The following FAM107B variants were observed in gnomAD, a reference collection of about 807,000 sequenced individuals.
FAM107B encodes family with sequence similarity 107 member B.
Under a neutral mutation model 31.5 loss-of-function variants are expected in FAM107B, and 21 were observed. The ratio of observed to expected loss-of-function variants is 0.67; its 90% confidence interval spans 0.47 to 0.96. FAM107B has a LOEUF of 0.96. Ranked by LOEUF, FAM107B falls within the 40% of genes least tolerant of loss-of-function variation. The pLI, the probability that FAM107B is intolerant of heterozygous loss-of-function variation, is 0.00. For missense variants in FAM107B, 452 were observed against 377.1 expected (o/e 1.20, Z -1.64); for synonymous variants, 157 against 141.5 (o/e 1.11, Z -0.78).
At chr10:14,772,125 C>T (rs535635546) in intron 1 of FAM107B, among the ~76,000 whole-genome samples, 7 of 152,036 alleles carry the variant, frequency 4.6e-5, no homozygotes, top group South Asian at 4.2e-4. Context: ...GGAGGCTGGG[C>T]GGGGGAGTCA....
At chr10:14,598,690 A>C (rs142881124) in intron 2 of FAM107B, among the ~76,000 whole-genome samples, 231 of 152,354 alleles carry the variant, frequency 1.5e-3, no homozygotes, top group African/African-American at 5.5e-3. Context: ...AAGAAGGTAG[A>C]TCTCATGTTA....
At chr10:14,658,582 A>G (rs12766190) in intron 2 of FAM107B, among the ~76,000 whole-genome samples, 35,744 of 152,144 alleles carry the variant, frequency 0.23, 4,338 homozygotes, top group South Asian at 0.33. Context: ...TTCAGTTCCT[A>G]CATAGTCCAA....
chr10:14,765,463 T>C (rs1833143602), intron 1 of FAM107B, among the ~76,000 whole-genome samples: 1 of 152,200 alleles, frequency 6.6e-6, no homozygotes, highest in African/African-American at 2.4e-5. Flanking sequence ...AATATCCAGA[T>C]TGGAAAATTC....
chr10:14,728,067 A>G (rs1394268172), intron 1 of FAM107B, among the ~76,000 whole-genome samples: 2 of 152,140 alleles, frequency 1.3e-5, no homozygotes. Flanking sequence ...TTTATGGAGT[A>G]AGGAAGCCTC....
intron 2 of FAM107B, among the ~76,000 whole-genome samples, chr10:14,640,478 T>A (rs1284093241): frequency 6.6e-6 from 1 of 152,162 alleles, no homozygotes; most frequent in Admixed American, 6.5e-5. Context: ...CTGCTTGAGT[T>A]CTCTTGGAAA....
chr10:14,757,484 C>G (rs1462600898), intron 1 of FAM107B, among the ~76,000 whole-genome samples: 1 of 152,196 alleles, frequency 6.6e-6, no homozygotes, highest in African/African-American at 2.4e-5. Context: ...CTATCTCTCT[C>G]AGTTCTGTTT....
chr10:14,726,554 G>T (rs1432842101), intron 1 of FAM107B, among the ~76,000 whole-genome samples: 1 of 152,170 alleles, frequency 6.6e-6, no homozygotes, highest in East Asian at 1.9e-4. Context: ...AATATTCCAA[G>T]ATAAAGAACC....
intron 2 of FAM107B, among the ~76,000 whole-genome samples, chr10:14,627,028 C>T (rs2131410798): frequency 6.6e-6 from 1 of 152,222 alleles, no homozygotes. Flanking sequence ...TCTTACCTCT[C>T]CGGATGCTCT....
chr10:14,595,351 T>A (rs756331016), intron 2 of FAM107B, among the ~76,000 whole-genome samples: 1 of 151,362 alleles, frequency 6.6e-6, no homozygotes, highest in South Asian at 2.1e-4. Flanking sequence ...GCAAAAATGA[T>A]TGAAAACGCA....
intron 2 of FAM107B, among the ~76,000 whole-genome samples, chr10:14,548,843 C>CACACGCACAA (rs1489858688): frequency 6.6e-6 from 1 of 151,804 alleles, no homozygotes; most frequent in East Asian, 1.9e-4. Flanking sequence ...CACGCACACA[C>CACACGCACAA]ACACCGACTG....
intron 2 of FAM107B, among the ~76,000 whole-genome samples, chr10:14,593,214 TACTTTGA>T (rs1852076225): frequency 6.6e-6 from 1 of 152,180 alleles, no homozygotes; most frequent in African/African-American, 2.4e-5. Context: ...TTTTGTTTGC[TACTTTGA>T]ACTAGTAAAC....
intron 1 of FAM107B, among the ~76,000 whole-genome samples, chr10:14,767,081 GA>G (rs1833192975): frequency 9.7e-6 from 1 of 102,634 alleles, no homozygotes; most frequent in African/African-American, 4.1e-5. Context: ...GAGAGAGAGA[GA>G]GAGAGAGAGA....
At chr10:14,564,070 TCA>T (rs1850461085) in intron 2 of FAM107B, among the ~76,000 whole-genome samples, 1 of 152,200 alleles carries the variant, frequency 6.6e-6, no homozygotes. Flanking sequence ...TTAAAATTTC[TCA>T]GTTTCAATTT....
chr10:14,762,108 C>T (rs947418904), intron 1 of FAM107B, among the ~76,000 whole-genome samples: 6 of 152,034 alleles, frequency 3.9e-5, no homozygotes, highest in African/African-American at 1.5e-4. Context: ...CATGGAAGAC[C>T]CAGGTTCTTT....
rs150701172 is a variant in FAM107B at position 14,658,105 on chromosome 10, G to A, written c.469+9529C>T. On this transcript the variant is annotated intron_variant, in intron 2 of 4. Transcript: ENST00000181796. ...GGGATTACAGGCGTAATTAGCACCTGGCTAACCTTCATTTCTTGGGAAGAA... is the reference window on the plus strand; with the variant it reads ...GGGATTACAGGCGTAATTAGCACCTAGCTAACCTTCATTTCTTGGGAAGAA... 1.2e-3 allele frequency among the ~76,000 whole-genome samples: 186 copies of A among 152,186 alleles called. 1 individual carries two copies. The highest frequency in any genetic ancestry group is 2.2e-3 in the Non-Finnish European group (152 of 67,986).
At chr10:14,559,106 AAAAAAAAAAAAC>A (rs869102637) in intron 2 of FAM107B, among the ~76,000 whole-genome samples, 18 of 98,546 alleles carry the variant, frequency 1.8e-4, no homozygotes, top group East Asian at 5.4e-4. Flanking sequence ...CTTCAAAAAA[AAAAAAAAAAAAC>A]AAAAAAAAAA....
chr10:14,674,276 C>T (rs186097746), intron 1 of FAM107B, among the ~76,000 whole-genome samples: 2 of 152,274 alleles, frequency 1.3e-5, no homozygotes, highest in Non-Finnish European at 2.9e-5. Context: ...AAAGCTCCTG[C>T]ACAGCAAAGG....
At chr10:14,722,294 T>C (rs567086458) in intron 1 of FAM107B, among the ~76,000 whole-genome samples, 5 of 152,386 alleles carry the variant, frequency 3.3e-5, no homozygotes, top group South Asian at 2.1e-4. Flanking sequence ...TCACATGATA[T>C]GTGGCATTTG....
chr10:14,542,552 A>T (rs1451431366), intron 2 of FAM107B: 1 of 152,232 alleles, frequency 6.6e-6, no homozygotes, highest in Non-Finnish European at 1.5e-5. Flanking sequence ...CATAGTGGTC[A>T]GCTGAAACTG....
Sources: allele counts gnomAD v4.1 joint callset (sites outside exome capture counted in the v4.1 genomes callset), GRCh38; gene constraint gnomAD v4.1.1; transcripts MANE v1.5; gene names NCBI Gene and HGNC (gene_info 2026-07-23, HGNC 2026-07-21).